The following SELP variants were observed in gnomAD, a reference collection of about 807,000 sequenced individuals.
SELP encodes the protein selectin P.
SELP carries 92 observed loss-of-function variants against 104.1 expected under a neutral mutation model. The ratio of observed to expected loss-of-function variants is 0.88; its 90% CI spans 0.75 to 1.05. SELP has a LOEUF of 1.05. Ranked by LOEUF, SELP falls within the 50% of genes least tolerant of loss-of-function variation. The pLI, the probability that SELP is intolerant of heterozygous loss-of-function variation, is 0.00. For missense variants in SELP, 1,022 were observed against 1,017.3 expected (o/e 1.00, Z -0.06); for synonymous variants, 397 against 364.5 (o/e 1.09, Z -1.01).
intron 1 of SELP, among the ~76,000 whole-genome samples, chr1:169,623,144 T>G (rs1356088496): frequency 6.7e-6 from 1 of 148,948 alleles, no homozygotes; most frequent in Non-Finnish European, 1.5e-5. Context: ...TCTGCAGCCT[T>G]CATGAAGGGG....
At chr1:169,622,299 A>G (rs1384410522) in intron 1 of SELP, among the ~76,000 whole-genome samples, 1 of 152,220 alleles carries the variant, frequency 6.6e-6, no homozygotes, top group African/African-American at 2.4e-5. Context: ...TTAAGTTGTC[A>G]AGTCTGACTA....
intron 1 of SELP, among the ~76,000 whole-genome samples, chr1:169,622,743 A>T (rs766322109): frequency 1.3e-5 from 2 of 152,216 alleles, no homozygotes; most frequent in Admixed American, 6.5e-5. Flanking sequence ...TTTATTTTGC[A>T]AAGAAGTATA....
intron 1 of SELP, among the ~76,000 whole-genome samples, chr1:169,627,113 G>A (rs1303128114): frequency 6.6e-6 from 1 of 152,206 alleles, no homozygotes; most frequent in Non-Finnish European, 1.5e-5. Flanking sequence ...AAATAGGGGA[G>A]GTGAATATGA....
intron 1 of SELP, among the ~76,000 whole-genome samples, chr1:169,620,794 GTT>G: frequency 9.4e-6 from 1 of 105,868 alleles, no homozygotes; most frequent in African/African-American, 3.6e-5. Flanking sequence ...ACGGTGTGGG[GTT>G]GTGTGTGTGT....
intron 11 of SELP, 28 bp from the exon 12 acceptor site, chr1:169,596,162 A>G (rs750448897): frequency 5.0e-6 from 8 of 1,596,656 alleles, no homozygotes; most frequent in South Asian, 3.3e-5. Context: ...TTCCATTCAG[A>G]GACCTCCCAA....
At chr1:169,591,489 T>TAAAA (rs35706397) in intron 14 of SELP, 33 bp from the exon 15 acceptor site, 353 of 1,244,830 alleles carry the variant, frequency 2.8e-4, no homozygotes, top group African/African-American at 1.1e-3. Flanking sequence ...AATGAATGAT[T>TAAAA]AAAAAAAAAA....
chr1:169,623,759 C>T lies in SELP; in HGVS notation c.4-4540G>A, dbSNP rs553780937. On this transcript the variant is annotated intron_variant, in intron 1 of 16. Coordinates refer to ENST00000263686, the MANE Select transcript of SELP (RefSeq NM_003005.4). ...CAGAGCTATAGGAGAACATAAAGGT[C>T]ACTTCCAAGCCAACTTAGCATTTAT... 3.9e-5 allele frequency among the ~76,000 whole-genome samples: 6 copies of T among 152,288 alleles called. No individual in the cohort carries two copies. The South Asian group carries it at 1.2e-3, about 32-fold the overall frequency.
rs1010638601 is a variant in SELP, at chr1:169,613,930, ATTG to A, written c.482-240_482-238del. Among the ~76,000 whole-genome samples the A allele has an allele frequency of 5.9e-5, 9 of 152,198 alleles. No homozygotes were observed. The South Asian group carries it at 8.3e-4, about 14-fold the overall frequency. ...GCATTTAGTATTTCCTAAGGAGGGTATTGTTGTGTGTGGACACAGAGGGACAAA... is the reference window on the plus strand; with the variant it reads ...GCATTTAGTATTTCCTAAGGAGGGTATTGTGTGTGGACACAGAGGGACAAA... On this transcript the variant is annotated intron_variant, in intron 3 of 16. Coordinates refer to ENST00000263686, the MANE Select transcript of SELP (RefSeq NM_003005.4).
At chr1:169,627,766 G>A (rs539928986) in intron 1 of SELP, among the ~76,000 whole-genome samples, 13 of 152,300 alleles carry the variant, frequency 8.5e-5, no homozygotes, top group African/African-American at 3.1e-4. Context: ...GCCCAGGAGA[G>A]TCTGAACTAT....
intron 9 of SELP, among the ~76,000 whole-genome samples, chr1:169,605,122 G>A (rs1373138053): frequency 6.6e-6 from 1 of 152,188 alleles, no homozygotes; most frequent in Non-Finnish European, 1.5e-5. Context: ...GCAATGAACT[G>A]TAATCTGTGC....
chr1:169,625,268 T>G (rs1028822550), intron 1 of SELP, among the ~76,000 whole-genome samples: 1 of 152,224 alleles, frequency 6.6e-6, no homozygotes, highest in African/African-American at 2.4e-5. Context: ...TTAGCTCTTC[T>G]GTTGTTCTTC....
intron 1 of SELP, among the ~76,000 whole-genome samples, chr1:169,623,571 T>G (rs565010033): frequency 6.6e-6 from 1 of 152,334 alleles, no homozygotes; most frequent in Non-Finnish European, 1.5e-5. Context: ...CAACTTGTTT[T>G]AAACATTTGA....
intron 12 of SELP, among the ~76,000 whole-genome samples, chr1:169,595,429 A>G (rs1661556301): frequency 6.6e-6 from 1 of 152,178 alleles, no homozygotes; most frequent in African/African-American, 2.4e-5. Flanking sequence ...CAGTAGTGAC[A>G]TTTGCAAAGC....
At chr1:169,608,874 C>T (rs112501750) in intron 8 of SELP, among the ~76,000 whole-genome samples, 36 of 152,214 alleles carry the variant, frequency 2.4e-4, no homozygotes, top group African/African-American at 7.7e-4. Flanking sequence ...TCCTTGTGAA[C>T]CACCACACCC....
rs772035219 is a variant in SELP at position 169,617,366 on chromosome 1, G to A, written c.143C>T (p.Thr48Ile). Residue 48 changes from threonine (T) to isoleucine (I), a missense_variant, in exon 3 of 17, where the codon ACA becomes ATA. By Grantham distance (89) the Thr-to-Ile change is moderately conservative (BLOSUM62 -1). Coordinates refer to ENST00000263686, the MANE Select transcript of SELP (RefSeq NM_003005.4). Reference sequence around the variant, plus strand: ...GGAAATATTCCATGAGTATGCTTTTGTGCTGTAATGATAAGTCCATGCTGC... The same window carrying A: ...GGAAATATTCCATGAGTATGCTTTTATGCTGTAATGATAAGTCCATGCTGC... ...EVAAWTYHYSTKAYSWNISRK... is the reference protein window; with the variant it reads ...EVAAWTYHYSIKAYSWNISRK... 2.5e-6 allele frequency: 4 copies of A among 1,614,038 alleles called. No individual in the cohort carries two copies. In the South Asian group the frequency reaches 4.4e-5, roughly 18 times the overall value.
intron 14 of SELP, chr1:169,591,690 T>C (rs1157581021): frequency 2.9e-6 from 1 of 339,924 alleles, no homozygotes; most frequent in Non-Finnish European, 5.3e-6. Context: ...TCCTCCTTCC[T>C]TTCAGTAAAT....
chr1:169,594,853 A>G lies in SELP; in HGVS notation c.2126T>C (p.Val709Ala). ...CRAVKCSELHVNKPIAMNCSN... is the reference protein window; with the variant it reads ...CRAVKCSELHANKPIAMNCSN... ...GCAGTTCATCGCTATTGGCTTATTA[A>G]CATGTAGTTCTGAGCATTTCACAGC... is the stretch of plus-strand genomic sequence containing the variant. Residue 709 changes from valine (V) to alanine (A), a missense_variant, in exon 13 of 17, where the codon GTT (valine) becomes GCT (alanine). By Grantham distance (64) the Val-to-Ala change is moderately conservative. Transcript: ENST00000263686. 1 of 1,613,620 alleles carries G rather than the reference A, an allele frequency of 6.2e-7. No individual in the cohort carries two copies.
At chr1:169,604,565 G>A (rs1021038873) in intron 9 of SELP, among the ~76,000 whole-genome samples, 1 of 152,180 alleles carries the variant, frequency 6.6e-6, no homozygotes, top group African/African-American at 2.4e-5. Flanking sequence ...AACAGCATGA[G>A]GTTTCAAGAA....
chr1:169,611,718 A>C (rs761737762), intron 6 of SELP, 41 bp from the exon 7 acceptor site: 3 of 1,567,690 alleles, frequency 1.9e-6, no homozygotes, highest in Middle Eastern at 1.7e-4. Flanking sequence ...GATACTGAGA[A>C]AGGAGAAAAG....
Sources: gnomAD v4.1 joint callset for allele counts (sites outside exome capture counted in the v4.1 genomes callset) on GRCh38, gnomAD v4.1.1 for gene constraint, MANE v1.5 for transcripts, NCBI Gene and HGNC (gene_info 2026-07-23, HGNC 2026-07-21) for gene names.